METTL15: variants seen among roughly 807,000 people sequenced by gnomAD.
METTL15 encodes the protein 12S rRNA N(4)-cytidine methyltransferase METTL15.
A neutral mutation model predicts 38.3 loss-of-function variants in METTL15; 34 were observed. The observed-to-expected ratio is 0.89, with a 90% CI of 0.68 to 1.18. METTL15 has a LOEUF of 1.18. METTL15 is among the 50% of genes most tolerant of loss of function. The probability of loss-of-function intolerance (pLI) is 0.00; values close to 1 mark genes in which losing one functional copy is unlikely to be tolerated. For synonymous variants in METTL15, 162 were observed against 170.9 expected, an observed-to-expected ratio of 0.95 and a Z score of 0.41; for missense variants, 438 against 498.4, an observed-to-expected ratio of 0.88 and a Z score of 1.15.
chr11:28,497,527 G>T (rs376418308), intron 6 of METTL15, among the ~76,000 whole-genome samples: 2 of 152,194 alleles, frequency 1.3e-5, no homozygotes, highest in African/African-American at 4.8e-5. Context: ...ATGCAGGGGT[G>T]TCTTACTCTG....
At chr11:28,516,613 C>T (rs1442688579) in intron 6 of METTL15, among the ~76,000 whole-genome samples, 1 of 151,888 alleles carries the variant, frequency 6.6e-6, no homozygotes, top group Non-Finnish European at 1.5e-5. Flanking sequence ...AATAAGATGC[C>T]CTTGAGGAAC....
At chr11:28,488,216 C>T (rs983720300) in intron 6 of METTL15, among the ~76,000 whole-genome samples, 1 of 152,072 alleles carries the variant, frequency 6.6e-6, no homozygotes, top group Non-Finnish European at 1.5e-5. Flanking sequence ...AGCAAAATTA[C>T]TCTATTTTAA....
intron 3 of METTL15, among the ~76,000 whole-genome samples, chr11:28,188,516 C>T (rs1473447648): frequency 6.6e-6 from 1 of 151,324 alleles, no homozygotes; most frequent in Non-Finnish European, 1.5e-5. Context: ...CAAATGTTTA[C>T]TTACTAGCTT....
At chr11:28,256,022 A>C (rs1393512953) in intron 4 of METTL15, among the ~76,000 whole-genome samples, 1 of 152,178 alleles carries the variant, frequency 6.6e-6, no homozygotes, top group Non-Finnish European at 1.5e-5. Context: ...TCATATGTTG[A>C]ATCATTCCTA....
intron 5 of METTL15, among the ~76,000 whole-genome samples, chr11:28,371,607 A>G (rs541746964): frequency 2.4e-4 from 37 of 151,796 alleles, no homozygotes; most frequent in Admixed American, 1.5e-3. Flanking sequence ...AATCTGTATT[A>G]ATTCTTCTAA....
intron 4 of METTL15, among the ~76,000 whole-genome samples, chr11:28,251,969 T>C (rs1048324711): frequency 3.3e-5 from 5 of 152,032 alleles, no homozygotes; most frequent in Admixed American, 3.3e-4. Context: ...CCCACCTAAC[T>C]CCATAATGTA....
At chr11:28,434,211 TTA>T (rs1302367638) in intron 6 of METTL15, among the ~76,000 whole-genome samples, 2 of 152,220 alleles carry the variant, frequency 1.3e-5, no homozygotes, top group African/African-American at 2.4e-5. Context: ...CACTTGGCTC[TTA>T]TTCTTCTCCT....
At chr11:28,124,060 TATC>T in intron 3 of METTL15, 1 of 423,946 alleles carries the variant, frequency 2.4e-6, no homozygotes, top group Non-Finnish European at 4.1e-6. Flanking sequence ...TTGTGCAAAG[TATC>T]ATGTCAGATA....
intron 6 of METTL15, among the ~76,000 whole-genome samples, chr11:28,323,703 G>A (rs890272656): frequency 6.6e-6 from 1 of 152,166 alleles, no homozygotes; most frequent in African/African-American, 2.4e-5. Flanking sequence ...AGTCATAGTG[G>A]TAGAGCTGGT....
At position 28,139,628 on chromosome 11, in the gene METTL15, G is replaced by C. The variant is rs1008407523; in HGVS notation, c.270+26024G>C. ...TGACCTCTATCCATGAAATGGGAGGGGTCCTAACTGGCAGGAATTAGTCAT... is the reference window on the plus strand; with the variant it reads ...TGACCTCTATCCATGAAATGGGAGGCGTCCTAACTGGCAGGAATTAGTCAT... On this transcript the variant is annotated intron_variant, in intron 3 of 6. Transcript: ENST00000407364. Among the ~76,000 whole-genome samples the C allele has an allele frequency of 6.8e-4, 103 of 152,142 alleles. 11 individuals carry two copies.
intron 5 of METTL15, among the ~76,000 whole-genome samples, chr11:28,290,947 A>G (rs1192340941): frequency 6.6e-6 from 1 of 151,640 alleles, no homozygotes; most frequent in East Asian, 1.9e-4. Flanking sequence ...TATCTTTTAC[A>G]CCTCCTCTTC....
intron 3 of METTL15, among the ~76,000 whole-genome samples, chr11:28,205,711 A>C (rs1852308660): frequency 6.6e-6 from 1 of 150,946 alleles, no homozygotes; most frequent in Admixed American, 6.6e-5. Flanking sequence ...GAACTAGTTT[A>C]CAGTCCCACC....
At chr11:28,240,227 G>A (rs139875761) in intron 4 of METTL15, among the ~76,000 whole-genome samples, 64 of 152,122 alleles carry the variant, frequency 4.2e-4, no homozygotes, top group Non-Finnish European at 6.9e-4. Flanking sequence ...ACATTCATTC[G>A]TTCATTCAGC....
intron 3 of METTL15, among the ~76,000 whole-genome samples, chr11:28,116,359 G>A (rs1851957464): frequency 6.6e-6 from 1 of 152,270 alleles, no homozygotes; most frequent in South Asian, 2.1e-4. Context: ...ATTTCTTAGT[G>A]TACTGACTTC....
chr11:28,421,021 G>A (rs953094420), intron 5 of METTL15, among the ~76,000 whole-genome samples: 2 of 151,914 alleles, frequency 1.3e-5, no homozygotes, highest in Non-Finnish European at 2.9e-5. Context: ...TGAAATGGGA[G>A]ACATTCAACC....
intron 3 of METTL15, among the ~76,000 whole-genome samples, chr11:28,151,580 A>G (rs1371832394): frequency 1.3e-5 from 2 of 151,922 alleles, no homozygotes; most frequent in Non-Finnish European, 2.9e-5. Context: ...GCTTCTGTCC[A>G]TTCTTTCTTC....
At chr11:28,380,891 C>A (rs758262666) in intron 5 of METTL15, among the ~76,000 whole-genome samples, 1 of 151,944 alleles carries the variant, frequency 6.6e-6, no homozygotes, top group African/African-American at 2.4e-5. Context: ...TACCTTCTGA[C>A]CTGTAAGGTT....
intron 6 of METTL15, among the ~76,000 whole-genome samples, chr11:28,310,939 T>G (rs1857263795): frequency 1.1e-5 from 1 of 91,514 alleles, no homozygotes; most frequent in African/African-American, 4.5e-5. Context: ...GTGGTGGTGG[T>G]GGTGGTGGTG....
chr11:28,151,003 G>T (rs1473041456), intron 3 of METTL15, among the ~76,000 whole-genome samples: 1 of 71,228 alleles, frequency 1.4e-5, no homozygotes, highest in African/African-American at 7.6e-5. Flanking sequence ...AGGCAACAGT[G>T]ACCAAAAAAA....
Sources: allele counts gnomAD v4.1 joint callset (sites outside exome capture counted in the v4.1 genomes callset), GRCh38; gene constraint gnomAD v4.1.1; transcripts MANE v1.5; gene names NCBI Gene and HGNC (gene_info 2026-07-23, HGNC 2026-07-21).